The following LRRC69 variants were observed in gnomAD, a reference collection of about 807,000 sequenced individuals.
The protein encoded by LRRC69 is leucine rich repeat containing 69.
A neutral mutation model predicts 37.8 loss-of-function variants in LRRC69; 42 were observed. The observed-to-expected ratio is 1.11, with a 90% CI of 0.87 to 1.44. The LOEUF is 1.44. Ranked by LOEUF, LRRC69 falls within the 40% of genes most tolerant of loss-of-function variation. The pLI is 0.00. For synonymous variants in LRRC69, 141 were observed against 143.1 expected (o/e 0.99, Z 0.11); for missense variants, 357 against 401.9 (o/e 0.89, Z 0.96).
intron 4 of LRRC69, among the ~76,000 whole-genome samples, chr8:91,135,161 T>C (rs1813887473): frequency 6.6e-6 from 1 of 151,546 alleles, no homozygotes; most frequent in Admixed American, 6.6e-5. Context: ...CAAAGGAGAG[T>C]ATCATGGCAA....
chr8:91,172,650 G>A (rs1809153353), intron 5 of LRRC69, among the ~76,000 whole-genome samples: 1 of 151,844 alleles, frequency 6.6e-6, no homozygotes, highest in Non-Finnish European at 1.5e-5. Flanking sequence ...CGAGTAGCTG[G>A]GACTACAGTC....
In LRRC69 at chr8:91,156,955, TATTCTGTTCC is replaced by T. The variant is rs1042903314; in HGVS notation, c.651+21220_651+21229del. Among the ~76,000 whole-genome samples the T allele has an allele frequency of 6.5e-4, 98 of 151,492 alleles. 1 individual carries two copies. The highest frequency in any genetic ancestry group is 2.3e-3 in the African/African-American group (97 of 41,470). On this transcript the variant is annotated intron_variant, in intron 5 of 7. Coordinates refer to ENST00000448384, the Ensembl canonical transcript of LRRC69. Reference sequence around the variant, plus strand: ...TATATGGATTTATTTCTGGGTTCTCTATTCTGTTCCATTGGTCTAAGTGTCTTTTTTAAAC... The same window carrying T: ...TATATGGATTTATTTCTGGGTTCTCTATTGGTCTAAGTGTCTTTTTTAAAC...
chr8:91,131,933 A>G (rs1025413701), intron 3 of LRRC69, among the ~76,000 whole-genome samples: 37 of 152,016 alleles, frequency 2.4e-4, no homozygotes, highest in African/African-American at 8.4e-4. Flanking sequence ...TTTCTCAAGA[A>G]TCTTTCTGTT....
intron 1 of LRRC69, among the ~76,000 whole-genome samples, chr8:91,119,699 C>T (rs1039026892): frequency 6.6e-6 from 1 of 152,030 alleles, no homozygotes; most frequent in Admixed American, 6.6e-5. Context: ...TCCTTTTCCT[C>T]AAACCTCCTA....
intron 5 of LRRC69, among the ~76,000 whole-genome samples, chr8:91,170,956 GA>G (rs1331582129): frequency 7.0e-6 from 1 of 142,758 alleles, no homozygotes; most frequent in Non-Finnish European, 1.5e-5. Context: ...CCATCAGAGT[GA>G]ACAGGCAACC....
chr8:91,115,173 C>T (rs1184729824), intron 1 of LRRC69, among the ~76,000 whole-genome samples: 2 of 151,892 alleles, frequency 1.3e-5, no homozygotes, highest in Non-Finnish European at 2.9e-5. Context: ...GAAATTTGCT[C>T]AAGGGGTAGA....
intron 5 of LRRC69, among the ~76,000 whole-genome samples, chr8:91,174,172 G>A (rs572436801): frequency 1.3e-5 from 2 of 149,420 alleles, no homozygotes; most frequent in African/African-American, 4.9e-5. Flanking sequence ...TAAATAATAT[G>A]TTCATAGAGG....
intron 6 of LRRC69, among the ~76,000 whole-genome samples, chr8:91,190,110 C>G (rs756228515): frequency 7.9e-5 from 12 of 152,118 alleles, no homozygotes; most frequent in Non-Finnish European, 1.2e-4. Context: ...CACAGGTCCT[C>G]CCACATTTGG....
At chr8:91,155,968 T>C (rs1395802128) in intron 5 of LRRC69, among the ~76,000 whole-genome samples, 2 of 150,164 alleles carry the variant, frequency 1.3e-5, no homozygotes, top group African/African-American at 4.9e-5. Flanking sequence ...TCCTTATTCC[T>C]TAATCTTTTG....
chr8:91,136,389 T>G (rs1290500274), intron 5 of LRRC69, among the ~76,000 whole-genome samples: 1 of 151,996 alleles, frequency 6.6e-6, no homozygotes, highest in East Asian at 1.9e-4. Context: ...AATTGAGGTT[T>G]CAGTCTTTTT....
chr8:91,202,730 A>T, intron 7 of LRRC69, among the ~76,000 whole-genome samples: 1 of 152,212 alleles, frequency 6.6e-6, no homozygotes, highest in Admixed American at 6.5e-5. Context: ...TTACATTAGG[A>T]ATTTGGCTTC....
At chr8:91,208,261 T>G (rs899708161) in intron 7 of LRRC69, among the ~76,000 whole-genome samples, 8 of 152,152 alleles carry the variant, frequency 5.3e-5, no homozygotes, top group Non-Finnish European at 1.2e-4. Context: ...ACATTTTTGC[T>G]TGACAAAGAG....
rs1808725625 is a variant in LRRC69 at position 91,150,982 on chromosome 8, CT to C, written c.651+15246del. 2.6e-5 allele frequency among the ~76,000 whole-genome samples: 4 copies of C among 151,274 alleles called. No individual in the cohort carries two copies. The South Asian group carries it at 8.3e-4, about 31-fold the overall frequency. ...CTGTTTCATTCTTCTCTCTTTTTTTCTTTATTAGTCTTGCTAGTGGTCTATC... is the reference window on the plus strand; with the variant it reads ...CTGTTTCATTCTTCTCTCTTTTTTTCTTATTAGTCTTGCTAGTGGTCTATC... On this transcript the variant is annotated intron_variant, in intron 5 of 7. Coordinates refer to ENST00000448384, the Ensembl canonical transcript of LRRC69.
intron 5 of LRRC69, among the ~76,000 whole-genome samples, chr8:91,166,927 CTGT>C (rs1379361600): frequency 6.6e-6 from 1 of 151,856 alleles, no homozygotes; most frequent in Non-Finnish European, 1.5e-5. Flanking sequence ...GTTATAGATT[CTGT>C]TGTTCTTTTC....
chr8:91,200,539 T>C, intron 6 of LRRC69, 74 bp from the exon 7 acceptor site: 1 of 959,708 alleles, frequency 1.0e-6, no homozygotes, highest in Non-Finnish European at 1.5e-6. Context: ...CTTTATCTAA[T>C]GAAATGGAAA....
At chr8:91,150,007 A>G (rs1160290735) in intron 5 of LRRC69, among the ~76,000 whole-genome samples, 1 of 151,916 alleles carries the variant, frequency 6.6e-6, no homozygotes, top group East Asian at 1.9e-4. Flanking sequence ...GGTTTTCTAG[A>G]TATATAATCA....
intron 5 of LRRC69, among the ~76,000 whole-genome samples, chr8:91,153,309 CAG>C (rs1444399004): frequency 6.6e-6 from 1 of 151,056 alleles, no homozygotes; most frequent in African/African-American, 2.4e-5. Context: ...ATCATTGAGA[CAG>C]AAAATTAACA....
At chr8:91,168,738 T>G (rs1382483205) in intron 5 of LRRC69, among the ~76,000 whole-genome samples, 2 of 16,696 alleles carry the variant, frequency 1.2e-4, no homozygotes, top group Non-Finnish European at 3.0e-4. Flanking sequence ...TGTTTTGTGT[T>G]TTTTTTTGCA....
At chr8:91,198,097 A>T (rs1269212582) in intron 6 of LRRC69, among the ~76,000 whole-genome samples, 1 of 152,212 alleles carries the variant, frequency 6.6e-6, no homozygotes, top group Non-Finnish European at 1.5e-5. Context: ...GATATGGGTT[A>T]TGCCTTGGTA....
Sources: gnomAD v4.1 joint callset for allele counts (sites outside exome capture counted in the v4.1 genomes callset) on GRCh38, gnomAD v4.1.1 for gene constraint, MANE v1.5 for transcripts, NCBI Gene and HGNC (gene_info 2026-07-23, HGNC 2026-07-21) for gene names.